The following PARD3B variants were observed in gnomAD, a reference collection of about 807,000 sequenced individuals.
PARD3B encodes the protein partitioning defective 3 homolog B.
Under a neutral mutation model 130.2 loss-of-function variants are expected in PARD3B, and 103 were observed. The observed-to-expected ratio is 0.79, with a 90% CI of 0.67 to 0.93. PARD3B has a LOEUF of 0.93. Among genes scored for constraint, PARD3B ranks in the 40% least tolerant of loss-of-function variants. The pLI is 0.00. For missense variants in PARD3B, 1,609 were observed against 1,499.2 expected (o/e 1.07, Z -1.21); for synonymous variants, 583 against 553.2 (o/e 1.05, Z -0.76).
chr2:205,151,278 CT>C (rs1315066201), intron 10 of PARD3B, among the ~76,000 whole-genome samples: 1 of 152,106 alleles, frequency 6.6e-6, no homozygotes, highest in Non-Finnish European at 1.5e-5. Flanking sequence ...TCTATTAGGT[CT>C]GTTTGGTGCA....
intron 10 of PARD3B, among the ~76,000 whole-genome samples, chr2:205,150,573 T>C (rs2033685918): frequency 6.6e-6 from 1 of 152,196 alleles, no homozygotes; most frequent in Admixed American, 6.5e-5. Flanking sequence ...ACTGTAATGG[T>C]TTCCTTTACC....
At chr2:205,523,225 GTATA>G (rs906912640) in intron 21 of PARD3B, among the ~76,000 whole-genome samples, 4 of 142,958 alleles carry the variant, frequency 2.8e-5, no homozygotes, top group African/African-American at 7.7e-5. Context: ...GTGTGTGTGT[GTATA>G]TATATATATA....
intron 2 of PARD3B, among the ~76,000 whole-genome samples, chr2:204,698,103 C>T (rs998960045): frequency 6.6e-6 from 1 of 152,114 alleles, no homozygotes; most frequent in Non-Finnish European, 1.5e-5. Context: ...ACCCTCCTAA[C>T]TTGGAACCTC....
At chr2:204,883,455 A>ATATATATATATTTTTTTTT (rs1377428928) in intron 2 of PARD3B, among the ~76,000 whole-genome samples, 4 of 77,278 alleles carry the variant, frequency 5.2e-5, no homozygotes, top group Admixed American at 1.8e-4. Flanking sequence ...ATATATATAT[A>ATATATATATATTTTTTTTT]TTTTTTTTTT....
intron 3 of PARD3B, among the ~76,000 whole-genome samples, chr2:205,029,196 C>T (rs1380579030): frequency 6.6e-6 from 1 of 152,114 alleles, no homozygotes; most frequent in African/African-American, 2.4e-5. Context: ...ACTTGGTTTT[C>T]ATTATTTTGC....
At chr2:205,328,245 T>A (rs888539229) in intron 18 of PARD3B, among the ~76,000 whole-genome samples, 1 of 152,210 alleles carries the variant, frequency 6.6e-6, no homozygotes, top group Non-Finnish European at 1.5e-5. Context: ...GCCCTGGTTT[T>A]CCATTTATTG....
chr2:205,284,941 A>G (rs1350606633), intron 16 of PARD3B, among the ~76,000 whole-genome samples: 1 of 152,112 alleles, frequency 6.6e-6, no homozygotes, highest in East Asian at 1.9e-4. Flanking sequence ...GGCAGGGAAT[A>G]TAAAAATAAG....
intron 13 of PARD3B, among the ~76,000 whole-genome samples, chr2:205,185,020 A>G (rs2036014044): frequency 6.6e-6 from 1 of 152,174 alleles, no homozygotes; most frequent in African/African-American, 2.4e-5. Flanking sequence ...CATTCAATGA[A>G]ATAATATACA....
intron 15 of PARD3B, among the ~76,000 whole-genome samples, chr2:205,211,968 A>T (rs1197266410): frequency 1.3e-5 from 2 of 152,146 alleles, no homozygotes; most frequent in Non-Finnish European, 2.9e-5. Context: ...TTTGGAATAA[A>T]TTATCATAGC....
intron 3 of PARD3B, among the ~76,000 whole-genome samples, chr2:205,030,308 C>T (rs149020411): frequency 1.3e-4 from 20 of 152,158 alleles, no homozygotes; most frequent in East Asian, 9.7e-4. Context: ...AATGACCAAG[C>T]GACAACCAAT....
At chr2:204,984,561 G>A (rs553710023) in intron 3 of PARD3B, among the ~76,000 whole-genome samples, 74 of 152,172 alleles carry the variant, frequency 4.9e-4, no homozygotes, top group Middle Eastern at 3.4e-3. Context: ...GTATTCCTTT[G>A]TATTCACAAA....
At chr2:204,835,095 C>A (rs571404599) in intron 2 of PARD3B, among the ~76,000 whole-genome samples, 1 of 152,162 alleles carries the variant, frequency 6.6e-6, no homozygotes, top group Non-Finnish European at 1.5e-5. Context: ...CAGGAAAGCT[C>A]TTGGAGAACT....
At chr2:205,380,920 A>G (rs1296977272) in intron 18 of PARD3B, among the ~76,000 whole-genome samples, 4 of 103,126 alleles carry the variant, frequency 3.9e-5, no homozygotes, top group African/African-American at 1.7e-4. Flanking sequence ...TAAAGAATAT[A>G]TATAATATAT....
intron 1 of PARD3B, among the ~76,000 whole-genome samples, chr2:204,602,769 A>C (rs1177744168): frequency 1.3e-5 from 2 of 152,076 alleles, no homozygotes; most frequent in Admixed American, 6.6e-5. Context: ...AGAAGATGGC[A>C]TATTGTGTAA....
At chr2:205,056,243 G>T (rs1326207980) in intron 4 of PARD3B, among the ~76,000 whole-genome samples, 2 of 151,644 alleles carry the variant, frequency 1.3e-5, no homozygotes. Flanking sequence ...CGCTTCTAAA[G>T]TACAAGTTTC....
chr2:205,211,976 A>G (rs946486773), intron 15 of PARD3B, among the ~76,000 whole-genome samples: 2 of 152,150 alleles, frequency 1.3e-5, no homozygotes, highest in African/African-American at 2.4e-5. Flanking sequence ...AAATTATCAT[A>G]GCACCCAAAT....
At chr2:204,625,255 G>A (rs992463473) in intron 1 of PARD3B, among the ~76,000 whole-genome samples, 2 of 152,082 alleles carry the variant, frequency 1.3e-5, no homozygotes, top group Admixed American at 1.3e-4. Flanking sequence ...ATATTGAATG[G>A]TGCCATGCCT....
intron 18 of PARD3B, among the ~76,000 whole-genome samples, chr2:205,336,790 G>T (rs1317348102): frequency 6.6e-6 from 1 of 152,162 alleles, no homozygotes; most frequent in African/African-American, 2.4e-5. Context: ...GACCCTAAAT[G>T]CCTTAGCTGG....
intron 1 of PARD3B, among the ~76,000 whole-genome samples, chr2:204,611,508 C>T (rs1005041110): frequency 5.9e-5 from 9 of 152,038 alleles, no homozygotes; most frequent in Non-Finnish European, 1.3e-4. Context: ...GAGATTGTCT[C>T]GTGGTATGTA....
Sources: gnomAD v4.1 joint callset for allele counts (sites outside exome capture counted in the v4.1 genomes callset) on GRCh38, gnomAD v4.1.1 for gene constraint, MANE v1.5 for transcripts, NCBI Gene and HGNC (gene_info 2026-07-23, HGNC 2026-07-21) for gene names.